The following SCEL variants were observed in gnomAD, a reference collection of about 807,000 sequenced individuals.
SCEL encodes the protein sciellin.
In SCEL, 113 loss-of-function variants were observed where a neutral mutation model predicts 117.6. The ratio of observed to expected loss-of-function variants is 0.96; its 90% CI spans 0.83 to 1.12. The LOEUF is 1.12. SCEL is among the 50% of genes most tolerant of loss of function. The pLI, the probability that SCEL is intolerant of heterozygous loss-of-function variation, is 0.00. For synonymous variants in SCEL, 270 were observed against 256.2 expected, an observed-to-expected ratio of 1.05 and a Z score of -0.51; for missense variants, 785 against 810.8, an observed-to-expected ratio of 0.97 and a Z score of 0.39.
Position 77,553,635 on chromosome 13 carries a change from G to A in SCEL, c.-19-2222G>A, listed in dbSNP as rs115328041. Among the ~76,000 whole-genome samples the A allele has an allele frequency of 3.8e-3, 583 of 151,984 alleles. 5 individuals carry two copies. Among genetic ancestry groups the A allele is most frequent in the African/African-American group, 0.014 (564 of 41,448 alleles). Reference sequence around the variant, plus strand: ...CAGCCAGGGGATCCCTGACACTCCCGGTGTGCTCAGCTGCCCAAGTTCAAG... The same window carrying A: ...CAGCCAGGGGATCCCTGACACTCCCAGTGTGCTCAGCTGCCCAAGTTCAAG... On this transcript the variant is annotated intron_variant, in intron 1 of 32. Coordinates refer to ENST00000349847, the MANE Select transcript of SCEL (RefSeq NM_144777.3).
chr13:77,561,393 T>C (rs1348340775), intron 4 of SCEL, among the ~76,000 whole-genome samples: 1 of 152,242 alleles, frequency 6.6e-6, no homozygotes, highest in African/African-American at 2.4e-5. Flanking sequence ...TAAAGTATAA[T>C]ATCAGTCTTT....
At chr13:77,568,471 C>T (rs2085410307) in intron 7 of SCEL, 138 bp downstream of exon 7, 3 of 557,702 alleles carry the variant, frequency 5.4e-6, no homozygotes, top group Admixed American at 7.9e-5. Context: ...GAAGACAATA[C>T]CAAAATGGTC....
intron 9 of SCEL, among the ~76,000 whole-genome samples, chr13:77,580,863 G>A (rs982725543): frequency 6.6e-6 from 1 of 152,012 alleles, no homozygotes; most frequent in African/African-American, 2.4e-5. Flanking sequence ...ATCCTTATTT[G>A]TTTTGACCTC....
intron 12 of SCEL, 43 bp from the exon 13 acceptor site, chr13:77,597,502 C>T: frequency 8.3e-7 from 1 of 1,205,278 alleles, no homozygotes; most frequent in South Asian, 1.4e-5. Flanking sequence ...TGACCCTGGG[C>T]AAGCTTTTTA....
At position 77,604,433 on chromosome 13, in the gene SCEL, C is replaced by G. The variant is rs1235970171; in HGVS notation, c.1157+18C>G. 17 of 1,552,982 alleles carry G rather than the reference C, an allele frequency of 1.1e-5. No homozygotes were observed. The highest frequency in any genetic ancestry group is 8.9e-5 in the Admixed American group (4 of 44,694). ...ATTACGAGGTAAGACATTTAAAGCT[C>G]CCCCCTCCCCTTTGTTTGGCATTTA... On this transcript the variant is annotated intron_variant, in intron 19 of 32. Transcript: ENST00000349847.
intron 12 of SCEL, among the ~76,000 whole-genome samples, chr13:77,595,451 CTTAAG>C (rs778602392): frequency 1.8e-4 from 27 of 152,152 alleles, no homozygotes; most frequent in Admixed American, 1.1e-3. Context: ...ATTTTGAAAG[CTTAAG>C]TTTTTTATTT....
In SCEL at chr13:77,555,671, G is replaced by A. The variant is rs549384327; in HGVS notation, c.-19-186G>A. 2.2e-4 allele frequency among the ~76,000 whole-genome samples: 34 copies of A among 152,002 alleles called. No individual in the cohort carries two copies. The South Asian group carries it at 7.1e-3, about 32-fold the overall frequency. On this transcript the variant is annotated intron_variant, in intron 1 of 32. Transcript: ENST00000349847. ...TCCCTGTGCCTCATTTTCTCCATCT[G>A]TAAAACAAATATGTTGGAAGAGATG... is the stretch of plus-strand genomic sequence containing the variant.
intron 28 of SCEL, among the ~76,000 whole-genome samples, chr13:77,629,732 G>A (rs2089942620): frequency 6.6e-6 from 1 of 152,152 alleles, no homozygotes; most frequent in Non-Finnish European, 1.5e-5. Context: ...CAAAGATACA[G>A]GGGAAATTGT....
At chr13:77,587,645 C>T (rs573531766) in intron 9 of SCEL, among the ~76,000 whole-genome samples, 2 of 152,204 alleles carry the variant, frequency 1.3e-5, no homozygotes, top group African/African-American at 4.8e-5. Flanking sequence ...ATTTGATTAA[C>T]AGTAGCATCT....
chr13:77,605,321 T>C (rs1297471958), intron 19 of SCEL, among the ~76,000 whole-genome samples: 1 of 152,128 alleles, frequency 6.6e-6, no homozygotes. Context: ...GCCCTGTTTG[T>C]GTAGGTGTGG....
chr13:77,602,193 G>T, intron 16 of SCEL, 69 bp downstream of exon 16: 3 of 1,273,936 alleles, frequency 2.4e-6, no homozygotes, highest in Non-Finnish European at 3.3e-6. Flanking sequence ...ATTAGGAATG[G>T]GAGTGTTATG....
intron 22 of SCEL, 124 bp downstream of exon 22, chr13:77,610,230 A>G: frequency 1.9e-6 from 1 of 534,142 alleles, no homozygotes; most frequent in Non-Finnish European, 3.2e-6. Flanking sequence ...AGGCGGGAGG[A>G]TCACAAGGTC....
At position 77,551,610 on chromosome 13, in the gene SCEL, G is replaced by A. The variant is rs897167754; in HGVS notation, c.-19-4247G>A. On this transcript the variant is annotated intron_variant, in intron 1 of 32. Coordinates refer to ENST00000349847, the MANE Select transcript of SCEL (RefSeq NM_144777.3). ...TTCCTCTGGTGTCTCTTTGTGTTTC[G>A]AAATTTTCTCTTCTTACAAGGTCAC... Among the ~76,000 whole-genome samples the A allele has an allele frequency of 1.6e-4, 25 of 152,114 alleles. No homozygotes were observed. In the South Asian group the frequency reaches 3.1e-3, roughly 19 times the overall value.
intron 30 of SCEL, 38 bp from the exon 31 acceptor site, chr13:77,640,638 T>C (rs373771948): frequency 3.5e-5 from 39 of 1,127,024 alleles, no homozygotes; most frequent in Middle Eastern, 2.0e-4. Context: ...TCTTCTGTAT[T>C]ATGGCAAATT....
chr13:77,565,130 C>T (rs761039069), intron 5 of SCEL, among the ~76,000 whole-genome samples: 2 of 152,096 alleles, frequency 1.3e-5, no homozygotes, highest in Admixed American at 6.6e-5. Flanking sequence ...TGCATCTGAA[C>T]GTTTATGTCA....
chr13:77,563,929 A>C (rs201669560), intron 5 of SCEL, 30 bp downstream of exon 5: 1 of 1,346,726 alleles, frequency 7.4e-7, no homozygotes, highest in Non-Finnish European at 1.0e-6. Flanking sequence ...TATAAATGGA[A>C]TGCATAACAT....
At chr13:77,627,406 T>C (rs964925206) in intron 27 of SCEL, among the ~76,000 whole-genome samples, 1 of 152,156 alleles carries the variant, frequency 6.6e-6, no homozygotes, top group Non-Finnish European at 1.5e-5. Context: ...GGTACAAATA[T>C]ACAGTTTGAT....
chr13:77,614,526 T>C (rs1436844935), intron 24 of SCEL, among the ~76,000 whole-genome samples: 2 of 152,152 alleles, frequency 1.3e-5, no homozygotes, highest in African/African-American at 2.4e-5. Context: ...TATGGTTAAA[T>C]GAAGACAATA....
chr13:77,631,951 G>A (rs1034722625), intron 28 of SCEL, among the ~76,000 whole-genome samples: 2 of 152,192 alleles, frequency 1.3e-5, no homozygotes, highest in Non-Finnish European at 2.9e-5. Context: ...TTTTGGTGAG[G>A]CCTCTCTTAC....
Sources: allele counts gnomAD v4.1 joint callset (sites outside exome capture counted in the v4.1 genomes callset), GRCh38; gene constraint gnomAD v4.1.1; transcripts MANE v1.5; gene names NCBI Gene and HGNC (gene_info 2026-07-23, HGNC 2026-07-21).